Variants in CALN1 observed in about 807,000 individuals in gnomAD.
CALN1 encodes calcium-binding protein 8.
Under a neutral mutation model 30.6 loss-of-function variants are expected in CALN1, and 17 were observed. The observed-to-expected ratio is 0.56, with a 90% CI of 0.38 to 0.83. The LOEUF (loss-of-function observed/expected upper bound fraction) is 0.83. Among genes scored for constraint, CALN1 ranks in the 40% least tolerant of loss-of-function variants. The pLI is 0.00. For missense variants in CALN1, 291 were observed against 354.9 expected (o/e 0.82, Z 1.45); for synonymous variants, 156 against 131.4 (o/e 1.19, Z -1.28).
intron 3 of CALN1, among the ~76,000 whole-genome samples, chr7:72,118,634 C>T (rs1584979893): frequency 6.6e-6 from 1 of 152,322 alleles, no homozygotes; most frequent in Admixed American, 6.5e-5. Context: ...GAAAGCCCAG[C>T]CCGGCCAGAG....
chr7:71,861,179 GT>G (rs1791252919), intron 5 of CALN1, among the ~76,000 whole-genome samples: 1 of 65,342 alleles, frequency 1.5e-5, no homozygotes, highest in Admixed American at 1.3e-4. Flanking sequence ...GTGGTGTGGG[GT>G]GTGTGTGTGT....
the CALN1 span, among the ~76,000 whole-genome samples, chr7:72,464,755 C>T: frequency 6.6e-6 from 1 of 152,224 alleles, no homozygotes; most frequent in African/African-American, 2.4e-5. Flanking sequence ...GGAACTGGCA[C>T]TGATAAGTTG....
chr7:71,915,902 G>A (rs765904518), intron 5 of CALN1, among the ~76,000 whole-genome samples: 22 of 152,076 alleles, frequency 1.4e-4, no homozygotes, highest in African/African-American at 2.7e-4. Context: ...CACCACTGTC[G>A]CTGCAAATCT....
chr7:71,956,178 G>A (rs1159321110), intron 5 of CALN1, among the ~76,000 whole-genome samples: 1 of 152,064 alleles, frequency 6.6e-6, no homozygotes, highest in Non-Finnish European at 1.5e-5. Flanking sequence ...AGTAGAGACG[G>A]AGCATCATCA....
chr7:72,340,591 C>T (rs372640646), intron 2 of CALN1, among the ~76,000 whole-genome samples: 6 of 152,262 alleles, frequency 3.9e-5, no homozygotes, highest in Admixed American at 1.3e-4. Flanking sequence ...AACCTTGATG[C>T]GGATAGCTGG....
intron 4 of CALN1, among the ~76,000 whole-genome samples, chr7:72,057,735 T>C (rs559792619): frequency 3.3e-5 from 5 of 152,168 alleles, no homozygotes; most frequent in African/African-American, 9.6e-5. Flanking sequence ...AAAAAACCTC[T>C]TCATAATAAA....
intron 4 of CALN1, among the ~76,000 whole-genome samples, chr7:72,060,785 T>C (rs1457510495): frequency 1.3e-5 from 2 of 152,158 alleles, no homozygotes; most frequent in African/African-American, 4.8e-5. Flanking sequence ...TCATGCTTTG[T>C]GACACACCAG....
At chr7:72,347,237 T>C (rs1368800469) in intron 2 of CALN1, among the ~76,000 whole-genome samples, 1 of 143,722 alleles carries the variant, frequency 7.0e-6, no homozygotes, top group Non-Finnish European at 1.5e-5. Context: ...ATTTTTTTTC[T>C]TTTTTTTTTT....
At chr7:72,369,359 T>G (rs201180050) in intron 2 of CALN1, among the ~76,000 whole-genome samples, 6 of 146,712 alleles carry the variant, frequency 4.1e-5, no homozygotes, top group African/African-American at 1.5e-4. Flanking sequence ...TATTTATTTT[T>G]TTGTTGTTGT....
chr7:72,209,201 C>T (rs1455797323), intron 3 of CALN1, among the ~76,000 whole-genome samples: 17 of 145,200 alleles, frequency 1.2e-4, no homozygotes, highest in East Asian at 6.5e-4. Flanking sequence ...TCCTTCCCTC[C>T]TTCCCTCCTT....
rs1453156998 is a variant in CALN1, at chr7:72,268,660, G to A, written c.244+10026C>T. ...TCTCTACAAAAAATTATCCAGGCAT[G>A]GTGACATGCACCTGTAGTCCTAGCT... is the stretch of plus-strand genomic sequence containing the variant. On this transcript the variant is annotated intron_variant, in intron 3 of 6. Coordinates refer to ENST00000395275, the MANE Select transcript of CALN1 (RefSeq NM_031468.4). Among the ~76,000 whole-genome samples, 4 of 151,982 alleles carry A rather than the reference G, an allele frequency of 2.6e-5. No homozygotes were observed. The East Asian group carries it at 7.7e-4, about 29-fold the overall frequency.
intron 3 of CALN1, among the ~76,000 whole-genome samples, chr7:72,249,231 C>A (rs555555976): frequency 6.6e-6 from 1 of 152,162 alleles, no homozygotes; most frequent in Non-Finnish European, 1.5e-5. Context: ...CAGACAGATT[C>A]ACCAGACCCT....
intron 4 of CALN1, among the ~76,000 whole-genome samples, chr7:72,058,131 T>C (rs985505306): frequency 3.3e-5 from 5 of 152,030 alleles, no homozygotes; most frequent in Non-Finnish European, 7.4e-5. Flanking sequence ...CCACATATAT[T>C]AAATAATCAC....
intron 1 of CALN1, among the ~76,000 whole-genome samples, chr7:72,411,684 G>T (rs927714695): frequency 6.6e-6 from 1 of 152,196 alleles, no homozygotes; most frequent in Non-Finnish European, 1.5e-5. Context: ...TCTCAATGAT[G>T]CCAAATGACA....
intron 2 of CALN1, among the ~76,000 whole-genome samples, chr7:72,319,772 A>AG (rs1182533995): frequency 6.6e-6 from 1 of 152,142 alleles, no homozygotes; most frequent in Non-Finnish European, 1.5e-5. Flanking sequence ...ACTGAAGGCA[A>AG]GGGGGGTGGG....
intron 5 of CALN1, among the ~76,000 whole-genome samples, chr7:72,020,982 T>C (rs1800671515): frequency 6.6e-6 from 1 of 152,086 alleles, no homozygotes; most frequent in South Asian, 2.1e-4. Flanking sequence ...GTAGGAAGCA[T>C]TCAGGGGCTC....
chr7:72,119,699 G>T (rs909042841), intron 3 of CALN1, among the ~76,000 whole-genome samples: 1 of 152,164 alleles, frequency 6.6e-6, no homozygotes, highest in African/African-American at 2.4e-5. Context: ...TGTCTTGCAT[G>T]GTGGCGGCAG....
At chr7:72,116,227 A>AGCG (rs1045575461) in intron 3 of CALN1, among the ~76,000 whole-genome samples, 2 of 152,192 alleles carry the variant, frequency 1.3e-5, no homozygotes, top group Non-Finnish European at 2.9e-5. Flanking sequence ...GCCTGAGCCG[A>AGCG]GCCCAGTCCT....
intron 2 of CALN1, among the ~76,000 whole-genome samples, chr7:72,377,241 G>A (rs998021997): frequency 3.3e-5 from 5 of 152,180 alleles, no homozygotes; most frequent in Non-Finnish European, 2.9e-5. Context: ...TTTGACAGGA[G>A]TTGCATTGAG....
Sources: allele counts gnomAD v4.1 joint callset (sites outside exome capture counted in the v4.1 genomes callset), GRCh38; gene constraint gnomAD v4.1.1; transcripts MANE v1.5; gene names NCBI Gene and HGNC (gene_info 2026-07-23, HGNC 2026-07-21).